LSAMP: variants seen among roughly 807,000 people sequenced by gnomAD.
LSAMP encodes the protein limbic system-associated membrane protein.
In LSAMP, 7 loss-of-function variants were observed where a neutral mutation model predicts 38.6. That is an observed-to-expected ratio of 0.18 (90% CI 0.10 to 0.34). The LOEUF is 0.34. LSAMP is among the 10% of genes least tolerant of loss of function. The probability of loss-of-function intolerance (pLI) is 1.00; values close to 1 mark genes in which losing one functional copy is unlikely to be tolerated. For missense variants in LSAMP, 313 were observed against 420.0 expected (o/e 0.75, Z 2.23); for synonymous variants, 154 against 166.8 (o/e 0.92, Z 0.59).
At chr3:115,920,415 A>G (rs1431041671) in intron 3 of LSAMP, among the ~76,000 whole-genome samples, 1 of 152,102 alleles carries the variant, frequency 6.6e-6, no homozygotes, top group African/African-American at 2.4e-5. Context: ...CAAGTGTGGG[A>G]CAATGTTTCA....
intron 1 of LSAMP, among the ~76,000 whole-genome samples, chr3:116,394,437 G>A (rs1056148747): frequency 6.6e-6 from 1 of 152,094 alleles, no homozygotes; most frequent in African/African-American, 2.4e-5. Context: ...GAAGAATTCT[G>A]TCAACACACC....
intron 1 of LSAMP, among the ~76,000 whole-genome samples, chr3:116,191,893 C>T (rs1576422390): frequency 6.6e-6 from 1 of 152,156 alleles, no homozygotes; most frequent in Middle Eastern, 3.4e-3. Context: ...TTAACTCTTT[C>T]ATCACTTAGA....
At chr3:115,933,176 T>C (rs1250751910) in intron 3 of LSAMP, among the ~76,000 whole-genome samples, 1 of 152,114 alleles carries the variant, frequency 6.6e-6, no homozygotes, top group Non-Finnish European at 1.5e-5. Flanking sequence ...TAAAAAGGCA[T>C]TGGGAGCCCA....
intron 2 of LSAMP, among the ~76,000 whole-genome samples, chr3:116,084,466 A>C (rs1245978372): frequency 2.0e-5 from 3 of 148,374 alleles, no homozygotes; most frequent in Admixed American, 1.3e-4. Flanking sequence ...AAAAAAAAAA[A>C]AAAAACCAAA....
rs1226701819 is a variant in LSAMP, at chr3:116,276,625, G to GTACT, written c.155+168248_155+168251dup. Among the ~76,000 whole-genome samples, 17 of 146,282 alleles carry GTACT rather than the reference G, an allele frequency of 1.2e-4. No individual in the cohort carries two copies. The East Asian group carries it at 2.8e-3, about 24-fold the overall frequency. On this transcript the variant is annotated intron_variant, in intron 1 of 6. Transcript: ENST00000490035. Reference sequence around the variant, plus strand: ...CAAAATCTCACACATCACCAATTAAGTACTTACATAACCAAATACCACCTG... The same window carrying GTACT: ...CAAAATCTCACACATCACCAATTAAGTACTTACTTACATAACCAAATACCACCTG...
At chr3:116,014,966 G>C (rs1940435354) in intron 3 of LSAMP, among the ~76,000 whole-genome samples, 1 of 152,134 alleles carries the variant, frequency 6.6e-6, no homozygotes. Context: ...GAAGGGTTCA[G>C]ACTTGGAAAT....
chr3:116,142,635 C>A (rs4146785), intron 1 of LSAMP, among the ~76,000 whole-genome samples: 83,312 of 151,802 alleles, frequency 0.55, 23,558 homozygotes, highest in East Asian at 0.76. Flanking sequence ...TGCATGTTAT[C>A]CCTTCAGATA....
intron 1 of LSAMP, among the ~76,000 whole-genome samples, chr3:116,375,653 T>TGATA (rs1258797832): frequency 7.9e-5 from 12 of 151,924 alleles, no homozygotes; most frequent in Non-Finnish European, 1.8e-4. Context: ...CAGTGCTCAA[T>TGATA]GATAGATTTT....
chr3:115,866,293 C>G (rs1197160027), intron 3 of LSAMP, among the ~76,000 whole-genome samples: 1 of 152,200 alleles, frequency 6.6e-6, no homozygotes, highest in South Asian at 2.1e-4. Flanking sequence ...TCTGGCCTAC[C>G]TGGAACTCCA....
At position 116,082,231 on chromosome 3, in the gene LSAMP, T is replaced by C. The variant is rs183244546; in HGVS notation, c.388+4093A>G. Among the ~76,000 whole-genome samples the C allele has an allele frequency of 1.4e-3, 212 of 152,354 alleles. 2 individuals are homozygous for C. The highest frequency in any genetic ancestry group is 4.9e-3 in the African/African-American group (205 of 41,582). ...TTGATGAGTCTACAGATATTTTATA[T>C]GATTTACTATTATAAGGCTCTAGTA... On this transcript the variant is annotated intron_variant, in intron 2 of 6. Transcript: ENST00000490035.
At chr3:116,109,759 A>G (rs1708555915) in intron 1 of LSAMP, among the ~76,000 whole-genome samples, 2 of 151,636 alleles carry the variant, frequency 1.3e-5, no homozygotes, top group African/African-American at 4.8e-5. Flanking sequence ...AGGAGGAGGA[A>G]TGGAGGGTGG....
chr3:115,972,530 A>G (rs1175620662), intron 3 of LSAMP, among the ~76,000 whole-genome samples: 2 of 151,712 alleles, frequency 1.3e-5, no homozygotes, highest in Non-Finnish European at 2.9e-5. Flanking sequence ...CCATTTTGTC[A>G]GGGGAATAAA....
intron 2 of LSAMP, among the ~76,000 whole-genome samples, chr3:116,056,907 G>A (rs1489272970): frequency 1.3e-5 from 2 of 152,070 alleles, no homozygotes; most frequent in South Asian, 2.1e-4. Flanking sequence ...GTACTGAGTG[G>A]TATCTCAGAT....
intron 1 of LSAMP, among the ~76,000 whole-genome samples, chr3:116,388,903 A>G (rs2048658052): frequency 6.6e-6 from 1 of 152,144 alleles, no homozygotes; most frequent in African/African-American, 2.4e-5. Context: ...AACAACAAAA[A>G]CGACAAGAAC....
intron 1 of LSAMP, among the ~76,000 whole-genome samples, chr3:116,145,467 G>T (rs1709469740): frequency 2.0e-5 from 3 of 151,958 alleles, no homozygotes; most frequent in African/African-American, 7.2e-5. Flanking sequence ...GAGTCCAAAG[G>T]CAGTCTGGAA....
chr3:115,961,073 G>T (rs773879288), intron 3 of LSAMP, among the ~76,000 whole-genome samples: 1 of 152,218 alleles, frequency 6.6e-6, no homozygotes, highest in African/African-American at 2.4e-5. Context: ...GCTTAACGAG[G>T]TAAGGGAGCT....
intron 1 of LSAMP, among the ~76,000 whole-genome samples, chr3:116,407,363 T>C (rs1233370855): frequency 6.6e-6 from 1 of 152,042 alleles, no homozygotes; most frequent in Non-Finnish European, 1.5e-5. Flanking sequence ...TAAATAAAAG[T>C]CAAATTTAAA....
intron 1 of LSAMP, among the ~76,000 whole-genome samples, chr3:116,376,382 A>G (rs2048493259): frequency 6.6e-6 from 1 of 152,022 alleles, no homozygotes; most frequent in Admixed American, 6.6e-5. Context: ...TTTTACTTTC[A>G]CAGGCCATAC....
chr3:116,370,954 A>G (rs2048422666), intron 1 of LSAMP, among the ~76,000 whole-genome samples: 1 of 152,188 alleles, frequency 6.6e-6, no homozygotes, highest in African/African-American at 2.4e-5. Flanking sequence ...AGAAAATTGT[A>G]TACCAGCAAA....
Sources: allele counts gnomAD v4.1 joint callset (sites outside exome capture counted in the v4.1 genomes callset), GRCh38; gene constraint gnomAD v4.1.1; transcripts MANE v1.5; gene names NCBI Gene and HGNC (gene_info 2026-07-23, HGNC 2026-07-21).